Variants in SLC39A11 observed in about 807,000 individuals in gnomAD.
The protein encoded by SLC39A11 is solute carrier family 39 member 11, also known as zinc transporter ZIP11.
In SLC39A11, 33 loss-of-function variants were observed where a neutral mutation model predicts 36.1. That is an observed-to-expected ratio of 0.91 (90% CI 0.69 to 1.22). The LOEUF (loss-of-function observed/expected upper bound fraction) is 1.22, where lower values mean the gene tolerates loss of function less well. Among genes scored for constraint, SLC39A11 ranks in the 50% most tolerant of loss-of-function variants. The pLI, the probability that SLC39A11 is intolerant of heterozygous loss-of-function variation, is 0.00. For missense variants in SLC39A11, 432 were observed against 430.3 expected, an observed-to-expected ratio of 1.00 and a Z score of -0.03; for synonymous variants, 166 against 170.3, an observed-to-expected ratio of 0.97 and a Z score of 0.20.
intron 5 of SLC39A11, among the ~76,000 whole-genome samples, chr17:72,931,143 G>A (rs2084369748): frequency 6.6e-6 from 1 of 152,136 alleles, no homozygotes; most frequent in African/African-American, 2.4e-5. Flanking sequence ...TGAAACAGAA[G>A]ACAAAGAGGA....
chr17:72,971,747 G>C (rs1013235264), intron 4 of SLC39A11, among the ~76,000 whole-genome samples: 1 of 144,140 alleles, frequency 6.9e-6, no homozygotes, highest in East Asian at 2.2e-4. Flanking sequence ...CACCCCCACA[G>C]TCTACCTACA....
chr17:72,917,803 G>T (rs2083419379), intron 5 of SLC39A11, among the ~76,000 whole-genome samples: 1 of 152,186 alleles, frequency 6.6e-6, no homozygotes, highest in African/African-American at 2.4e-5. Context: ...ATGAGTGAAG[G>T]AGCTGCGTTG....
At chr17:72,695,623 G>A (rs1002673696) in intron 7 of SLC39A11, among the ~76,000 whole-genome samples, 14 of 152,054 alleles carry the variant, frequency 9.2e-5, no homozygotes, top group Admixed American at 2.6e-4. Context: ...ACAAAAAAAA[G>A]GGTCTTTGTG....
chr17:73,010,006 C>A (rs563723963), intron 4 of SLC39A11, among the ~76,000 whole-genome samples: 1 of 152,144 alleles, frequency 6.6e-6, no homozygotes, highest in East Asian at 1.9e-4. Context: ...CTGGAGCCCT[C>A]TCCACTCCAA....
intron 3 of SLC39A11, among the ~76,000 whole-genome samples, chr17:73,047,391 G>C (rs2059333488): frequency 6.6e-6 from 1 of 152,106 alleles, no homozygotes; most frequent in African/African-American, 2.4e-5. Context: ...CACCAGCTGG[G>C]GGATGTTGGG....
chr17:73,072,880 C>A (rs901157663), intron 3 of SLC39A11, among the ~76,000 whole-genome samples: 1 of 152,164 alleles, frequency 6.6e-6, no homozygotes, highest in East Asian at 1.9e-4. Flanking sequence ...CATCTGAGGT[C>A]TTTAAAAATA....
rs958679502 is a variant in SLC39A11, at chr17:72,646,153, T to C, written c.*1431A>G. The C allele has an allele frequency of 2.0e-5, 3 of 152,702 alleles. No homozygotes were observed. The highest frequency in any genetic ancestry group is 1.3e-4 in the Admixed American group (2 of 15,294). 9.5% of individuals were successfully genotyped at this position (152,702 alleles called of 1,614,324 possible). On this transcript the variant is annotated 3_prime_UTR_variant, in exon 10 of 10. Transcript: ENST00000255559. The stretch of plus-strand genomic sequence containing the variant: ...CATCAGTGCTTCGGAAGAACGTACA[T>C]AGACCCAGCCCAAGGTTGGCCTTTG...
At chr17:72,832,504 G>GA in intron 6 of SLC39A11, among the ~76,000 whole-genome samples, 1 of 152,316 alleles carries the variant, frequency 6.6e-6, no homozygotes, top group East Asian at 1.9e-4. Context: ...GTCAAGTCAT[G>GA]ACACATCTAT....
chr17:72,841,218 C>A (rs960471915), intron 6 of SLC39A11, among the ~76,000 whole-genome samples: 1 of 152,080 alleles, frequency 6.6e-6, no homozygotes, highest in African/African-American at 2.4e-5. Context: ...TTGGGCCCCC[C>A]AAAAAGAACG....
intron 4 of SLC39A11, among the ~76,000 whole-genome samples, chr17:72,978,088 G>A (rs1366248020): frequency 6.6e-6 from 1 of 152,224 alleles, no homozygotes; most frequent in East Asian, 1.9e-4. Flanking sequence ...TCCAGCCTGC[G>A]AACGCAGGGG....
chr17:72,788,118 T>C (rs2076579504), intron 6 of SLC39A11, among the ~76,000 whole-genome samples: 1 of 152,238 alleles, frequency 6.6e-6, no homozygotes, highest in Non-Finnish European at 1.5e-5. Flanking sequence ...CTTCCCAGCA[T>C]TTAATAAGTC....
At chr17:73,042,305 A>G (rs1312843975) in intron 3 of SLC39A11, among the ~76,000 whole-genome samples, 5 of 152,226 alleles carry the variant, frequency 3.3e-5, no homozygotes, top group African/African-American at 1.2e-4. Flanking sequence ...TGAATGTGTC[A>G]ACTCTTCACA....
intron 6 of SLC39A11, among the ~76,000 whole-genome samples, chr17:72,740,131 C>T (rs1428167268): frequency 1.5e-5 from 2 of 131,840 alleles, no homozygotes; most frequent in African/African-American, 2.9e-5. Flanking sequence ...GGCGCCATTT[C>T]GGCTCACTGC....
intron 5 of SLC39A11, among the ~76,000 whole-genome samples, chr17:72,863,290 T>C (rs2080135992): frequency 6.6e-6 from 1 of 152,162 alleles, no homozygotes; most frequent in Non-Finnish European, 1.5e-5. Context: ...TTGGAATCTC[T>C]TTTAGGATGA....
chr17:73,004,212 AAAGAAAG>A (rs1201173014), intron 4 of SLC39A11, among the ~76,000 whole-genome samples: 1 of 130,932 alleles, frequency 7.6e-6, no homozygotes, highest in African/African-American at 2.8e-5. Flanking sequence ...AGAAAGAAAG[AAAGAAAG>A]AAAGAAAGAA....
intron 6 of SLC39A11, among the ~76,000 whole-genome samples, chr17:72,847,424 T>C (rs967673252): frequency 1.4e-5 from 2 of 139,870 alleles, no homozygotes; most frequent in Non-Finnish European, 3.1e-5. Context: ...AAAAAAAAAA[T>C]TGGAAAACCA....
At chr17:72,766,411 T>C (rs73352916) in intron 6 of SLC39A11, among the ~76,000 whole-genome samples, 2,648 of 152,308 alleles carry the variant, frequency 0.017, 72 homozygotes, top group African/African-American at 0.059. Flanking sequence ...CTTAAAACCT[T>C]CCAGTGGTTT....
chr17:72,730,500 A>G (rs2074171513), intron 7 of SLC39A11, among the ~76,000 whole-genome samples: 1 of 152,224 alleles, frequency 6.6e-6, no homozygotes, highest in Admixed American at 6.5e-5. Context: ...TTTAAAAAGC[A>G]AAACCTCTTT....
At chr17:72,712,032 T>C (rs561398268) in intron 7 of SLC39A11, among the ~76,000 whole-genome samples, 4 of 152,348 alleles carry the variant, frequency 2.6e-5, no homozygotes, top group African/African-American at 9.6e-5. Context: ...AGTGAGGGAT[T>C]AGACTGATGC....
Sources: allele counts gnomAD v4.1 joint callset (sites outside exome capture counted in the v4.1 genomes callset), GRCh38; gene constraint gnomAD v4.1.1; transcripts MANE v1.5; gene names NCBI Gene and HGNC (gene_info 2026-07-23, HGNC 2026-07-21).